Variants in DENND5A observed in about 807,000 individuals in gnomAD.
DENND5A encodes DENN domain containing 5A.
Under a neutral mutation model 140.3 loss-of-function variants are expected in DENND5A, and 64 were observed. The observed-to-expected ratio is 0.46, with a 90% CI of 0.37 to 0.56. The LOEUF is 0.56. Among genes scored for constraint, DENND5A ranks in the 20% least tolerant of loss-of-function variants. The pLI is 0.00. For missense variants in DENND5A, 1,292 were observed against 1,593.8 expected (o/e 0.81, Z 3.22); for synonymous variants, 605 against 607.7 (o/e 1.00, Z 0.07).
intron 12 of DENND5A, among the ~76,000 whole-genome samples, chr11:9,159,303 T>G (rs892711171): frequency 6.6e-6 from 1 of 151,716 alleles, no homozygotes; most frequent in Non-Finnish European, 1.5e-5. Flanking sequence ...TGACTAATGC[T>G]GCTATGAACT....
intron 1 of DENND5A, among the ~76,000 whole-genome samples, chr11:9,240,134 G>A (rs191181631): frequency 3.3e-5 from 5 of 152,236 alleles, no homozygotes; most frequent in East Asian, 3.9e-4. Flanking sequence ...TAGGCTGGGC[G>A]TGGTGGCTCA....
chr11:9,153,043 C>A (rs1254054431), intron 12 of DENND5A, among the ~76,000 whole-genome samples: 1 of 149,618 alleles, frequency 6.7e-6, no homozygotes, highest in Non-Finnish European at 1.5e-5. Flanking sequence ...GCAGGCCAGG[C>A]ACAGTGTCTC....
At chr11:9,147,201 G>A in intron 15 of DENND5A, 50 bp from the exon 16 acceptor site, 1 of 1,598,724 alleles carries the variant, frequency 6.3e-7, no homozygotes, top group Non-Finnish European at 8.5e-7. Flanking sequence ...GGAAGGGAAA[G>A]AAACTAGAAT....
intron 20 of DENND5A, 64 bp from the exon 21 acceptor site, chr11:9,142,909 A>C (rs1847296001): frequency 6.3e-7 from 1 of 1,595,954 alleles, no homozygotes; most frequent in African/African-American, 1.3e-5. Flanking sequence ...CCACCATTGC[A>C]TCCCTAAACC....
chr11:9,237,290 C>T (rs1355675071), intron 1 of DENND5A, among the ~76,000 whole-genome samples: 1 of 151,968 alleles, frequency 6.6e-6, no homozygotes, highest in Non-Finnish European at 1.5e-5. Context: ...TGTGGTGGCA[C>T]ACGCCTGTAA....
intron 11 of DENND5A, among the ~76,000 whole-genome samples, chr11:9,164,328 C>G (rs1307398559): frequency 1.4e-5 from 2 of 148,092 alleles, no homozygotes; most frequent in East Asian, 2.1e-4. Context: ...GCCAGGATTA[C>G]AGGCATGAGC....
chr11:9,185,757 G>A (rs1848890672), intron 5 of DENND5A, among the ~76,000 whole-genome samples: 1 of 152,052 alleles, frequency 6.6e-6, no homozygotes, highest in Non-Finnish European at 1.5e-5. Context: ...GTTCCTGTAT[G>A]TGTGGTCTGC....
intron 1 of DENND5A, among the ~76,000 whole-genome samples, chr11:9,252,746 T>G (rs1203534600): frequency 6.6e-6 from 1 of 152,086 alleles, no homozygotes; most frequent in Non-Finnish European, 1.5e-5. Flanking sequence ...AGCAGGAACC[T>G]AAAACATATC....
At chr11:9,260,371 T>C (rs1262522173) in intron 1 of DENND5A, among the ~76,000 whole-genome samples, 1 of 150,776 alleles carries the variant, frequency 6.6e-6, no homozygotes, top group Non-Finnish European at 1.5e-5. Flanking sequence ...TCTCCTGGGG[T>C]CACCTAGTGG....
intron 2 of DENND5A, 59 bp downstream of exon 2, chr11:9,207,502 A>C (rs1037073866): frequency 4.0e-5 from 51 of 1,267,626 alleles, no homozygotes; most frequent in Admixed American, 5.3e-5. Flanking sequence ...GCCACTGGAG[A>C]GATATATGTA....
At chr11:9,260,584 C>T (rs1357842680) in intron 1 of DENND5A, among the ~76,000 whole-genome samples, 3 of 152,212 alleles carry the variant, frequency 2.0e-5, no homozygotes, top group African/African-American at 7.2e-5. Context: ...ACCATATCCT[C>T]AAGGTGGCTA....
chr11:9,146,080 G>C (rs1259628192), intron 16 of DENND5A, among the ~76,000 whole-genome samples: 1 of 152,170 alleles, frequency 6.6e-6, no homozygotes, highest in African/African-American at 2.4e-5. Flanking sequence ...TGTAGGCTCA[G>C]AACTAAATGA....
chr11:9,254,102 G>C (rs1204926748), intron 1 of DENND5A, among the ~76,000 whole-genome samples: 1 of 147,656 alleles, frequency 6.8e-6, no homozygotes, highest in African/African-American at 2.5e-5. Flanking sequence ...GTTGCAGTGA[G>C]CCAAGATCGC....
Position 9,144,158 on chromosome 11 carries a change from C to A in DENND5A, c.3243G>T (p.Pro1081=), listed in dbSNP as rs373190819. Residue 1081 remains proline (P), a synonymous_variant, in exon 19 of 23, where the codon CCG becomes CCT. Transcript: ENST00000328194. ...GGATGACACTGGGGGACTGCTGCAG[C>A]GGCGGGGTCCGGCATGGCCTCTCAT... ...EVDERPCRTP[P]LQQSPSVIRR... is the part of the protein sequence containing the mutation. 4.3e-6 allele frequency: 7 copies of A among 1,613,930 alleles called. No homozygotes were observed. Among genetic ancestry groups the A allele is most frequent in the Admixed American group, 3.3e-5 (2 of 60,000 alleles).
rs1851714381 is a variant in DENND5A at position 9,251,413 on chromosome 11, T to C, written c.109+13548A>G. ...TTTAACAGGAAGCTCTACAAGAGAT[T>C]CCATGTACGACAACAAGCAAATATC... On this transcript the variant is annotated intron_variant, in intron 1 of 22. Transcript: ENST00000328194. 2.0e-5 allele frequency among the ~76,000 whole-genome samples: 3 copies of C among 152,224 alleles called. 1 individual carries two copies. In the Middle Eastern group the frequency reaches 0.01, roughly 518 times the overall value.
chr11:9,176,905 A>T (rs1848561935), intron 8 of DENND5A: 2 of 456,090 alleles, frequency 4.4e-6, no homozygotes, highest in Non-Finnish European at 8.8e-6. Flanking sequence ...ATTTTGGCCT[A>T]TGAGACAATG....
chr11:9,256,491 T>C (rs1851952706), intron 1 of DENND5A, among the ~76,000 whole-genome samples: 1 of 152,064 alleles, frequency 6.6e-6, no homozygotes, highest in African/African-American at 2.4e-5. Context: ...CAATCCAATG[T>C]CCTTCCACTA....
chr11:9,191,647 G>T (rs1488765900), intron 5 of DENND5A, among the ~76,000 whole-genome samples: 1 of 152,066 alleles, frequency 6.6e-6, no homozygotes, highest in African/African-American at 2.4e-5. Context: ...AAGCACATAG[G>T]GAACAACGTT....
chr11:9,142,954 G>C (rs1847297329), intron 20 of DENND5A, 109 bp from the exon 21 acceptor site: 2 of 1,430,706 alleles, frequency 1.4e-6, no homozygotes, highest in Non-Finnish European at 1.9e-6. Context: ...CAAAAGACAG[G>C]CTAGGACTTT....
Sources: gnomAD v4.1 joint callset for allele counts (sites outside exome capture counted in the v4.1 genomes callset) on GRCh38, gnomAD v4.1.1 for gene constraint, MANE v1.5 for transcripts, NCBI Gene and HGNC (gene_info 2026-07-23, HGNC 2026-07-21) for gene names.